SUGP1: variants seen among roughly 807,000 people sequenced by gnomAD.
SUGP1 encodes SURP and G-patch domain-containing protein 1.
A neutral mutation model predicts 76.5 loss-of-function variants in SUGP1; 34 were observed. The observed-to-expected ratio is 0.44, with a 90% CI of 0.34 to 0.59. The LOEUF (loss-of-function observed/expected upper bound fraction) is 0.59. Among genes scored for constraint, SUGP1 ranks in the 20% least tolerant of loss-of-function variants. The probability of loss-of-function intolerance (pLI) is 0.01; values close to 1 mark genes in which losing one functional copy is unlikely to be tolerated. For missense variants in SUGP1, 752 were observed against 851.7 expected, an observed-to-expected ratio of 0.88 and a Z score of 1.46; for synonymous variants, 326 against 326.2, an observed-to-expected ratio of 1.00 and a Z score of 0.01.
intron 9 of SUGP1, among the ~76,000 whole-genome samples, 156 bp from the exon 10 acceptor site, chr19:19,279,546 A>G (rs1234028658): frequency 6.6e-6 from 1 of 152,250 alleles, no homozygotes; most frequent in Non-Finnish European, 1.5e-5. Flanking sequence ...GCAAGTACTG[A>G]GTACTGCCCT....
At chr19:19,293,678 TCA>T (rs1599854911) in intron 8 of SUGP1, among the ~76,000 whole-genome samples, 2 of 152,114 alleles carry the variant, frequency 1.3e-5, no homozygotes, top group African/African-American at 4.8e-5. Flanking sequence ...ATCATACATT[TCA>T]CAGACTGGTA....
At chr19:19,298,554 G>A (rs1042040017) in intron 7 of SUGP1, among the ~76,000 whole-genome samples, 4 of 152,138 alleles carry the variant, frequency 2.6e-5, no homozygotes, top group African/African-American at 7.2e-5. Flanking sequence ...GTTTCTAGGT[G>A]AGCCTGTGTG....
intron 7 of SUGP1, among the ~76,000 whole-genome samples, chr19:19,297,931 G>A (rs947047806): frequency 2.0e-5 from 3 of 152,188 alleles, no homozygotes; most frequent in African/African-American, 7.2e-5. Context: ...GCTGGGTTCA[G>A]AGCCATGTTC....
chr19:19,313,026 AAAAAC>A, intron 2 of SUGP1, among the ~76,000 whole-genome samples: 1 of 151,788 alleles, frequency 6.6e-6, no homozygotes. Flanking sequence ...ATAAATAAAA[AAAAAC>A]AAAAGGACAG....
At chr19:19,302,215 G>C (rs1031678744) in intron 7 of SUGP1, 50 bp downstream of exon 7, 1 of 1,609,042 alleles carries the variant, frequency 6.2e-7, no homozygotes. Context: ...TCCCCTGCAG[G>C]GGGACTGTGG....
At chr19:19,283,795 C>T (rs1204119335) in intron 8 of SUGP1, among the ~76,000 whole-genome samples, 3 of 152,108 alleles carry the variant, frequency 2.0e-5, no homozygotes, top group Non-Finnish European at 4.4e-5. Context: ...ACCATATTGG[C>T]CAGGCTGGTC....
intron 3 of SUGP1, among the ~76,000 whole-genome samples, chr19:19,309,300 C>T (rs897244411): frequency 1.3e-5 from 2 of 152,122 alleles, no homozygotes; most frequent in Non-Finnish European, 2.9e-5. Flanking sequence ...GCGTGACCAA[C>T]ATGGCGAAAT....
chr19:19,297,201 G>A lies in SUGP1; in HGVS notation c.1031C>T (p.Ser344Leu). 1 of 1,606,492 alleles carries A rather than the reference G, an allele frequency of 6.2e-7. No individual in the cohort carries two copies. Among genetic ancestry groups the A allele is most frequent in the Non-Finnish European group, 8.5e-7 (1 of 1,174,134 alleles). Residue 344 changes from serine (S) to leucine (L), a missense_variant, in exon 8 of 14, where the codon TCA (serine) becomes TTA (leucine). Physicochemically the swap from Ser to Leu is moderately radical, Grantham distance 145. Transcript: ENST00000247001. ...GGTGGTGGCTGGGGGTAAGGACCCT[G>A]ACAGGGCCTCAGGAGGGGACTTGCG... ...LKRKSPPEAL[S>L]GSLPPATTCP... is the part of the protein sequence containing the mutation.
chr19:19,307,521 A>G (rs542110218), intron 3 of SUGP1, among the ~76,000 whole-genome samples: 70 of 152,352 alleles, frequency 4.6e-4, no homozygotes, highest in African/African-American at 1.7e-3. Flanking sequence ...CGTCATCTGC[A>G]TAAAGGGTCA....
At chr19:19,304,094 T>C (rs2061296043) in intron 4 of SUGP1, 1 of 1,394,270 alleles carries the variant, frequency 7.2e-7, no homozygotes, top group East Asian at 2.5e-5. Context: ...GGCTGGAAGC[T>C]AGCAGAAAAT....
intron 2 of SUGP1, among the ~76,000 whole-genome samples, chr19:19,311,154 G>C (rs1285818672): frequency 1.3e-5 from 2 of 150,698 alleles, no homozygotes; most frequent in Non-Finnish European, 2.9e-5. Flanking sequence ...AGCCTCCCAA[G>C]TCACTAGGAC....
chr19:19,291,650 GA>G (rs1338144064), intron 8 of SUGP1, among the ~76,000 whole-genome samples: 2 of 152,086 alleles, frequency 1.3e-5, no homozygotes, highest in Non-Finnish European at 2.9e-5. Context: ...AGCAATTTGG[GA>G]GGCCGAAGCG....
intron 7 of SUGP1, among the ~76,000 whole-genome samples, chr19:19,299,407 C>G (rs2061253843): frequency 6.6e-6 from 1 of 152,020 alleles, no homozygotes; most frequent in African/African-American, 2.4e-5. Flanking sequence ...GAGTCTTGCT[C>G]TGTCGCCCAG....
At chr19:19,313,911 G>A (rs546564802) in intron 2 of SUGP1, among the ~76,000 whole-genome samples, 44 of 152,186 alleles carry the variant, frequency 2.9e-4, no homozygotes, top group Admixed American at 9.2e-4. Context: ...GCCGAGGTGG[G>A]AGGAACAACC....
At chr19:19,320,437 G>A (rs1389584070) in intron 1 of SUGP1, 26 bp downstream of exon 1, 1 of 1,607,312 alleles carries the variant, frequency 6.2e-7, no homozygotes, top group Non-Finnish European at 8.5e-7. Flanking sequence ...CCAGGCGGCC[G>A]CCTGAGAGGA....
intron 6 of SUGP1, among the ~76,000 whole-genome samples, chr19:19,302,664 T>C (rs1599862493): frequency 6.6e-6 from 1 of 150,786 alleles, no homozygotes; most frequent in Non-Finnish European, 1.5e-5. Flanking sequence ...CGGGTCTGGG[T>C]AGGGCAGGAA....
At chr19:19,319,479 G>A (rs897964330) in intron 1 of SUGP1, among the ~76,000 whole-genome samples, 6 of 151,646 alleles carry the variant, frequency 4.0e-5, no homozygotes, top group Non-Finnish European at 5.9e-5. Flanking sequence ...ACACCTTTAC[G>A]TAACCCCAGC....
chr19:19,292,678 AAAAG>A (rs972148223), intron 8 of SUGP1, among the ~76,000 whole-genome samples: 4 of 152,222 alleles, frequency 2.6e-5, no homozygotes, highest in Non-Finnish European at 4.4e-5. Context: ...AAAAAAAAGA[AAAAG>A]AAAGAAAGAA....
At chr19:19,305,051 T>G (rs1025832016) in intron 4 of SUGP1, among the ~76,000 whole-genome samples, 1 of 152,122 alleles carries the variant, frequency 6.6e-6, no homozygotes, top group African/African-American at 2.4e-5. Flanking sequence ...CCCTTGGAGC[T>G]GCTGGGGCAC....
Sources: gnomAD v4.1 joint callset for allele counts (sites outside exome capture counted in the v4.1 genomes callset) on GRCh38, gnomAD v4.1.1 for gene constraint, MANE v1.5 for transcripts, NCBI Gene and HGNC (gene_info 2026-07-23, HGNC 2026-07-21) for gene names.